Variants in RNF19A observed in about 807,000 individuals in gnomAD.
RNF19A encodes ring finger protein 19A, RBR E3 ubiquitin protein ligase, also known as E3 ubiquitin-protein ligase RNF19A.
Under a neutral mutation model 75.7 loss-of-function variants are expected in RNF19A, and 32 were observed. That is an observed-to-expected ratio of 0.42 (90% confidence interval 0.32 to 0.57). The LOEUF (loss-of-function observed/expected upper bound fraction) is 0.57. Among genes scored for constraint, RNF19A ranks in the 20% least tolerant of loss-of-function variants. The pLI is 0.10. For synonymous variants in RNF19A, 335 were observed against 345.2 expected (o/e 0.97, Z 0.33); for missense variants, 782 against 1,036.3 (o/e 0.75, Z 3.37).
At position 100,291,967 on chromosome 8, in the gene RNF19A, C is replaced by CTTT. The variant is rs56737985; in HGVS notation, c.-93-3703_-93-3701dup. ...CTGTTGAACAGAAAGAGGACTAAGTCTTTTTTTTTTTTTTTTTTTTTTCAA... is the reference window on the plus strand; with the variant it reads ...CTGTTGAACAGAAAGAGGACTAAGTCTTTTTTTTTTTTTTTTTTTTTTTTTCAA... On this transcript the variant is annotated intron_variant, in intron 1 of 9. Coordinates refer to ENST00000341084, the MANE Select transcript of RNF19A (RefSeq NM_183419.4). Among the ~76,000 whole-genome samples, 61 of 99,834 alleles carry CTTT rather than the reference C, an allele frequency of 6.1e-4. 1 individual carries two copies. The highest frequency in any genetic ancestry group is 6.5e-3 in the Middle Eastern group (1 of 154). The allele number at this position is 99,834 out of a possible 152,430, so 65.5% of individuals were successfully genotyped here. A position where few individuals can be genotyped will look rare whatever the true frequency, so the allele number is the denominator to read the frequency against.
In RNF19A at chr8:100,333,657, T is replaced by G. The variant is rs969073015; in HGVS notation, c.-243+2451A>C. ...CATAGCAAGAGCCCATCTCTAAAAATTTTTTTAAAACAATAGCTGGGCATG... is the reference window on the plus strand; with the variant it reads ...CATAGCAAGAGCCCATCTCTAAAAAGTTTTTTAAAACAATAGCTGGGCATG... On this transcript the variant is annotated intron_variant, in intron 1 of 3. Transcript: ENST00000519527. The surrounding 1 kb of genome is among the most constrained non-coding windows in gnomAD (Gnocchi z 4.7). Among the ~76,000 whole-genome samples the G allele has an allele frequency of 2.6e-5, 4 of 152,184 alleles. No homozygotes were observed. The highest frequency in any genetic ancestry group is 2.6e-4 in the Admixed American group (4 of 15,280).
At position 100,287,988 on chromosome 8, in the gene RNF19A, T is replaced by C. The variant is rs757228986; in HGVS notation, c.187A>G (p.Arg63Gly). The C allele has an allele frequency of 6.2e-7, 1 of 1,614,034 alleles. No individual in the cohort carries two copies. Among genetic ancestry groups the C allele is most frequent in the African/African-American group, 1.3e-5 (1 of 74,924 alleles). ...AACAGGGAGCCTATTGAAATTCTTC[T>C]TTTTTTGGGTGCCTTTTTGACTGAA... is the stretch of plus-strand genomic sequence containing the variant. The part of the protein sequence containing the change: ...LPSVKKAPKK[R>G]RISIGSLFRR... Residue 63 changes from arginine (R) to glycine (G), a missense_variant, in exon 2 of 10, where the codon AGA becomes GGA. Around this residue, in one of 7 missense-constraint regions of RNF19A, gnomAD observed 148 missense variants for 147.9 expected, o/e 1.00. Coordinates refer to ENST00000341084, the MANE Select transcript of RNF19A (RefSeq NM_183419.4). The surrounding 1 kb of genome is among the most constrained non-coding windows in gnomAD (Gnocchi z 4.1).
At position 100,298,339 on chromosome 8, in the gene RNF19A, T is replaced by C. The variant is rs189167646; in HGVS notation, c.-93-10072A>G. On this transcript the variant is annotated intron_variant, in intron 1 of 9. Transcript: ENST00000341084. The stretch of plus-strand genomic sequence containing the variant: ...ACACGAATTTCTCAAAGGTAAATTA[T>C]ATAAATAATGTACAGCTAGTACAAA... Among the ~76,000 whole-genome samples the C allele has an allele frequency of 4.6e-5, 7 of 152,304 alleles. No individual in the cohort carries two copies. In the East Asian group the frequency reaches 9.6e-4, roughly 21 times the overall value.
chr8:100,287,704 A>C lies in RNF19A; in HGVS notation c.471T>G (p.Asp157Glu). The C allele has an allele frequency of 6.2e-7, 1 of 1,614,100 alleles. No homozygotes were observed. Among genetic ancestry groups the C allele is most frequent in the Non-Finnish European group, 8.5e-7 (1 of 1,179,956 alleles). The change falls in exon 2 of 10, where the codon GAT (aspartate) becomes GAG (glutamate). Residue 157 changes from aspartate (D) to glutamate (E), a missense_variant. Asp to Glu is a conservative substitution (Grantham distance 45, BLOSUM62 2). Around this residue, in one of 7 missense-constraint regions of RNF19A, gnomAD observed 85 missense variants for 177.7 expected, o/e 0.48. Transcript: ENST00000341084. The surrounding 1 kb of genome is among the most constrained non-coding windows in gnomAD (Gnocchi z 4.1). Reference protein sequence around the residue: ...IMTCHHRSCVDCLRQYLRIEI... With the variant: ...IMTCHHRSCVECLRQYLRIEI... The stretch of plus-strand genomic sequence containing the variant: ...CTATCCTTAAATATTGTCGTAAGCA[A>C]TCCACACAAGATCTGTGATGACAAG...
At chr8:100,318,665 AAAGC>A (rs1471982339) in intron 1 of RNF19A, among the ~76,000 whole-genome samples, 1 of 152,262 alleles carries the variant, frequency 6.6e-6, no homozygotes, top group Non-Finnish European at 1.5e-5. Context: ...ATTCCAAACA[AAAGC>A]AAACAAACAA....
chr8:100,263,035 G>A (rs1315163631), intron 7 of RNF19A, among the ~76,000 whole-genome samples: 1 of 152,168 alleles, frequency 6.6e-6, no homozygotes, highest in Non-Finnish European at 1.5e-5. Flanking sequence ...AGTTAAGCTT[G>A]AAATTCTTGT....
Position 100,329,360 on chromosome 8 carries a change from G to C in RNF19A, c.-243+6748C>G, listed in dbSNP as rs1236920932. On this transcript the variant is annotated intron_variant, in intron 1 of 3. Coordinates refer to the RNF19A transcript ENST00000519527. The surrounding 1 kb of genome is among the most constrained non-coding windows in gnomAD (Gnocchi z 4.3). ...CCTGACTTGGCAGCCATTCATGAGGGAAAAAAAAAAGACTTGGGATTTTAA... is the reference window on the plus strand; with the variant it reads ...CCTGACTTGGCAGCCATTCATGAGGCAAAAAAAAAAGACTTGGGATTTTAA... Among the ~76,000 whole-genome samples, 3 of 146,060 alleles carry C rather than the reference G, an allele frequency of 2.1e-5. No homozygotes were observed. The highest frequency in any genetic ancestry group is 4.5e-5 in the Non-Finnish European group (3 of 66,142).
intron 1 of RNF19A, among the ~76,000 whole-genome samples, chr8:100,293,178 C>T (rs1284514729): frequency 6.6e-6 from 1 of 152,232 alleles, no homozygotes; most frequent in Non-Finnish European, 1.5e-5. Flanking sequence ...TAACAGGCCA[C>T]ACACTGTGGC....
Position 100,258,505 on chromosome 8 carries a change from C to A in RNF19A, c.*51G>T. 1 of 1,455,692 alleles carries A rather than the reference C, an allele frequency of 6.9e-7. No homozygotes were observed. Among genetic ancestry groups the A allele is most frequent in the Non-Finnish European group, 9.4e-7 (1 of 1,069,360 alleles). The allele number at this position is 1,455,692 out of a possible 1,614,324, so 90.2% of individuals were successfully genotyped here. On this transcript the variant is annotated 3_prime_UTR_variant, in exon 10 of 10. Coordinates refer to ENST00000341084, the MANE Select transcript of RNF19A (RefSeq NM_183419.4). The surrounding 1 kb of genome is among the most constrained non-coding windows in gnomAD (Gnocchi z 4.3). Reference sequence around the variant, plus strand: ...CTTAAGTAGTCACATGTAGTTCAACCAGCTCCAAACACGGTTGTACAGTGG... The same window carrying A: ...CTTAAGTAGTCACATGTAGTTCAACAAGCTCCAAACACGGTTGTACAGTGG...
At position 100,268,890 on chromosome 8, in the gene RNF19A, C is replaced by CAA; in HGVS notation, c.1084_1085dup (p.Leu362PhefsTer17). The CAA allele has an allele frequency of 1.2e-6, 2 of 1,604,696 alleles. No individual in the cohort carries two copies. The highest frequency in any genetic ancestry group is 1.7e-6 in the Non-Finnish European group (2 of 1,174,622). ...CACCAACCAGTGTTCCCAGTTGCCA[C>CAA]AATATTTTCTTCTTTCGGCTCCAGG... On this transcript the variant is annotated frameshift_variant, in exon 5 of 10. Transcript: ENST00000341084. LOFTEE classifies it high-confidence loss of function.
chr8:100,298,581 C>G (rs1821679562), intron 1 of RNF19A, among the ~76,000 whole-genome samples: 1 of 152,082 alleles, frequency 6.6e-6, no homozygotes, highest in Admixed American at 6.6e-5. Flanking sequence ...AACAGAAACT[C>G]AAAGTTCAGA....
chr8:100,284,060 A>G lies in RNF19A; in HGVS notation c.674+3441T>C, dbSNP rs542753932. ...AGTTCCTGGTACATAGGTGCATTAA[A>G]TATTTGAATGATTATCTGATTTAAA... On this transcript the variant is annotated intron_variant, in intron 2 of 9. Coordinates refer to ENST00000341084, the MANE Select transcript of RNF19A (RefSeq NM_183419.4). The surrounding 1 kb of genome is among the most constrained non-coding windows in gnomAD (Gnocchi z 4.3). Among the ~76,000 whole-genome samples, 9 of 152,228 alleles carry G rather than the reference A, an allele frequency of 5.9e-5. No homozygotes were observed. In the South Asian group the frequency reaches 1.4e-3, roughly 25 times the overall value.
intron 5 of RNF19A, among the ~76,000 whole-genome samples, chr8:100,268,089 T>C (rs1298839578): frequency 2.0e-5 from 3 of 151,256 alleles, no homozygotes; most frequent in East Asian, 1.9e-4. Context: ...TCTTCTTGGA[T>C]ACCAAAGAAA....
At chr8:100,262,279 TAC>T (rs1243620141) in intron 7 of RNF19A, among the ~76,000 whole-genome samples, 1 of 151,984 alleles carries the variant, frequency 6.6e-6, no homozygotes, top group Admixed American at 6.6e-5. Context: ...TGAGGAAAAA[TAC>T]AAGAGAGTAA....
chr8:100,313,356 G>A (rs1212179629), upstream of RNF19A: 8 of 980,918 alleles, frequency 8.2e-6, no homozygotes, highest in South Asian at 9.4e-5. Flanking sequence ...CAATTCTTCT[G>A]ACATTTGAGC....
chr8:100,307,595 T>C (rs1735535145), intron 1 of RNF19A, among the ~76,000 whole-genome samples: 1 of 151,142 alleles, frequency 6.6e-6, no homozygotes, highest in African/African-American at 2.4e-5. Context: ...TTCCATAATA[T>C]ACAAGTGATT....
At position 100,275,092 on chromosome 8, in the gene RNF19A, T is replaced by C. The variant is rs754210909; in HGVS notation, c.744A>G (p.Thr248=). Residue 248 remains threonine, a synonymous_variant, in exon 3 of 10, where the codon ACA becomes ACG. Transcript: ENST00000341084. This position sits in a 1 kb window ranked among gnomAD's most constrained non-coding sequence, Gnocchi z 4.3. ...TCTGTTTACAGTGGTAGCAAAACTC[T>C]GTTCCACAGCCCTCTCGCCCACAAG... The part of the protein sequence containing the change: ...KLTCGREGCG[T]EFCYHCKQIW... 1 of 1,614,214 alleles carries C rather than the reference T, an allele frequency of 6.2e-7. No homozygotes were observed. The highest frequency in any genetic ancestry group is 8.5e-7 in the Non-Finnish European group (1 of 1,180,036).
intron 1 of RNF19A, among the ~76,000 whole-genome samples, chr8:100,292,305 T>C (rs2130007859): frequency 6.6e-6 from 1 of 152,126 alleles, no homozygotes; most frequent in African/African-American, 2.4e-5. Context: ...ATTTTTAGTA[T>C]TGTCTCACTA....
chr8:100,276,439 G>A (rs1820516645), intron 2 of RNF19A, among the ~76,000 whole-genome samples: 1 of 151,710 alleles, frequency 6.6e-6, no homozygotes, highest in South Asian at 2.1e-4. Context: ...AGAGTGGGGG[G>A]AAGTACATGT....
Sources: gnomAD v4.1 joint callset for allele counts (sites outside exome capture counted in the v4.1 genomes callset) on GRCh38, gnomAD v4.1.1 for gene constraint, gnomAD v4.1.1 regional missense constraint, Gnocchi (gnomAD v3.1) non-coding constraint, MANE v1.5 for transcripts, NCBI Gene and HGNC (gene_info 2026-07-23, HGNC 2026-07-21) for gene names.